ILRUN: variants seen among roughly 807,000 people sequenced by gnomAD.
ILRUN encodes the protein protein ILRUN.
Under a neutral mutation model 33.8 loss-of-function variants are expected in ILRUN, and 3 were observed. The ratio of observed to expected loss-of-function variants is 0.09; its 90% CI spans 0.04 to 0.23. The LOEUF is 0.23. Among genes scored for constraint, ILRUN ranks in the 10% least tolerant of loss-of-function variants. The probability of loss-of-function intolerance (pLI) is 1.00; values close to 1 mark genes in which losing one functional copy is unlikely to be tolerated. For synonymous variants in ILRUN, 124 were observed against 138.9 expected (o/e 0.89, Z 0.75); for missense variants, 210 against 375.1 (o/e 0.56, Z 3.64).
intron 1 of ILRUN, among the ~76,000 whole-genome samples, chr6:34,676,486 AG>A (rs1763238397): frequency 6.6e-6 from 1 of 151,830 alleles, no homozygotes; most frequent in Non-Finnish European, 1.5e-5. Context: ...CTAGATAGGT[AG>A]ATATGCAAAG....
chr6:34,670,407 T>C (rs1763093254), intron 1 of ILRUN, among the ~76,000 whole-genome samples: 1 of 152,180 alleles, frequency 6.6e-6, no homozygotes, highest in Non-Finnish European at 1.5e-5. Context: ...GGTTAACTTA[T>C]GGTATGCAAA....
chr6:34,598,412 G>A (rs9394235), intron 4 of ILRUN, among the ~76,000 whole-genome samples: 4 of 152,128 alleles, frequency 2.6e-5, no homozygotes, highest in Admixed American at 2.0e-4. Flanking sequence ...ATCTATACCA[G>A]GAGCCATTCT....
chr6:34,650,405 A>ATTTTT (rs1034056954), intron 2 of ILRUN, among the ~76,000 whole-genome samples: 23 of 135,178 alleles, frequency 1.7e-4, no homozygotes, highest in African/African-American at 6.4e-4. Context: ...TTATTTATTT[A>ATTTTT]TTTTTATTTA....
intron 3 of ILRUN, among the ~76,000 whole-genome samples, chr6:34,635,544 A>AAAGGAAGGAAGGAAGGAAGG (rs571458905): frequency 8.3e-6 from 1 of 120,076 alleles, no homozygotes; most frequent in African/African-American, 3.4e-5. Context: ...AAAAAGAAAG[A>AAAGGAAGGAAGGAAGGAAGG]AAGGAAGGAA....
intron 4 of ILRUN, among the ~76,000 whole-genome samples, chr6:34,605,341 A>G (rs1183400465): frequency 2.1e-5 from 3 of 146,296 alleles, no homozygotes; most frequent in African/African-American, 5.1e-5. Context: ...AAAAAAAAAA[A>G]GGAGGGCTGG....
At position 34,603,837 on chromosome 6, in the gene ILRUN, T is replaced by G. The variant is rs899697050; in HGVS notation, c.861+2718A>C. On this transcript the variant is annotated intron_variant, in intron 4 of 4. Transcript: ENST00000374023. Reference sequence around the variant, plus strand: ...ATTCCTCAAGTCTCCTAATGTACGATGTACACTGCTCTGAACAGTGCACAG... The same window carrying G: ...ATTCCTCAAGTCTCCTAATGTACGAGGTACACTGCTCTGAACAGTGCACAG... Among the ~76,000 whole-genome samples the G allele has an allele frequency of 7.2e-5, 11 of 152,338 alleles. 1 individual carries two copies. The highest frequency in any genetic ancestry group is 2.9e-5 in the Non-Finnish European group (2 of 68,036).
At chr6:34,601,471 C>T (rs930513914) in intron 4 of ILRUN, among the ~76,000 whole-genome samples, 3 of 139,704 alleles carry the variant, frequency 2.1e-5, no homozygotes, top group Admixed American at 2.1e-4. Context: ...ACACTGGTGC[C>T]CTCTTAATGC....
At chr6:34,651,287 G>A (rs570082260) in intron 2 of ILRUN, among the ~76,000 whole-genome samples, 1 of 152,254 alleles carries the variant, frequency 6.6e-6, no homozygotes, top group East Asian at 1.9e-4. Context: ...TCAGGCACAA[G>A]AATGCCCTTT....
intron 2 of ILRUN, among the ~76,000 whole-genome samples, chr6:34,648,945 A>G (rs893727233): frequency 2.0e-5 from 3 of 152,238 alleles, no homozygotes; most frequent in Admixed American, 2.0e-4. Flanking sequence ...GAAGCAGCTG[A>G]GATGATTGGG....
At chr6:34,655,614 G>C (rs1762755208) in intron 1 of ILRUN, among the ~76,000 whole-genome samples, 1 of 151,976 alleles carries the variant, frequency 6.6e-6, no homozygotes, top group African/African-American at 2.4e-5. Context: ...GTGGACTTTT[G>C]AGTTTGTTTC....
At chr6:34,608,024 T>C (rs1022114112) in intron 3 of ILRUN, among the ~76,000 whole-genome samples, 2 of 150,824 alleles carry the variant, frequency 1.3e-5, no homozygotes, top group African/African-American at 2.4e-5. Flanking sequence ...GCCCAGGAGG[T>C]AGAGGCTGCA....
At position 34,587,534 on chromosome 6, in the gene ILRUN, T is replaced by C. The variant is rs1443817093; in HGVS notation, c.*3031A>G. ...GTAATCAGCTTGCACTTCTGAGCCC[T>C]GGCAACCCTACCATCCTCTCCTGCT... On this transcript the variant is annotated 3_prime_UTR_variant, in exon 5 of 5. Transcript: ENST00000374023. 6.6e-6 allele frequency: 1 copy of C among 152,664 alleles called. No homozygotes were observed. The highest frequency in any genetic ancestry group is 6.5e-5 in the Admixed American group (1 of 15,286). The allele number at this position is 152,664 out of a possible 1,614,324, so 9.5% of individuals were successfully genotyped here. A position where few individuals can be genotyped will look rare whatever the true frequency, so the allele number is the denominator to read the frequency against.
chr6:34,595,326 A>G (rs771458595), intron 4 of ILRUN, among the ~76,000 whole-genome samples: 8 of 152,372 alleles, frequency 5.3e-5, no homozygotes, highest in Non-Finnish European at 1.0e-4. Flanking sequence ...AAGGAGTACT[A>G]AAAAACTGTC....
intron 3 of ILRUN, among the ~76,000 whole-genome samples, chr6:34,643,113 T>C (rs956480418): frequency 6.6e-6 from 1 of 151,782 alleles, no homozygotes; most frequent in Non-Finnish European, 1.5e-5. Context: ...CTGGCCAACA[T>C]GGTGAAACCC....
chr6:34,606,421 T>C (rs144042064), intron 4 of ILRUN, 134 bp downstream of exon 4: 375 of 645,418 alleles, frequency 5.8e-4, no homozygotes, highest in Non-Finnish European at 8.5e-4. Context: ...ATTGTTGCTA[T>C]TGGCAGGAGA....
chr6:34,675,480 T>C (rs1763209673), intron 1 of ILRUN, among the ~76,000 whole-genome samples: 1 of 152,178 alleles, frequency 6.6e-6, no homozygotes, highest in Non-Finnish European at 1.5e-5. Flanking sequence ...ATAAAATATT[T>C]ATATGTAAAT....
At chr6:34,695,367 G>A (rs1403319209) in intron 1 of ILRUN, among the ~76,000 whole-genome samples, 3 of 152,204 alleles carry the variant, frequency 2.0e-5, no homozygotes, top group Non-Finnish European at 4.4e-5. Context: ...TCCTTTCAAA[G>A]AAAGTCTAAT....
At chr6:34,643,662 G>C (rs755450232) in intron 3 of ILRUN, among the ~76,000 whole-genome samples, 9 of 152,192 alleles carry the variant, frequency 5.9e-5, no homozygotes, top group Non-Finnish European at 1.3e-4. Flanking sequence ...TCTTGAACTT[G>C]ATGAAGCTTA....
At chr6:34,668,444 C>T (rs1211863763) in intron 1 of ILRUN, among the ~76,000 whole-genome samples, 1 of 152,150 alleles carries the variant, frequency 6.6e-6, no homozygotes, top group African/African-American at 2.4e-5. Context: ...AAGTAACATT[C>T]AGCCCACAGT....
Sources: allele counts gnomAD v4.1 joint callset (sites outside exome capture counted in the v4.1 genomes callset), GRCh38; gene constraint gnomAD v4.1.1; transcripts MANE v1.5; gene names NCBI Gene and HGNC (gene_info 2026-07-23, HGNC 2026-07-21).